The following ZSCAN5A variants were observed in gnomAD, a reference collection of about 807,000 sequenced individuals.
ZSCAN5A encodes zinc finger and SCAN domain containing 5A, also known as zinc finger and SCAN domain-containing protein 5A.
ZSCAN5A carries 12 observed loss-of-function variants against 23.7 expected under a neutral mutation model. That is an observed-to-expected ratio of 0.51 (90% CI 0.32 to 0.82). ZSCAN5A has a LOEUF of 0.82. Among genes scored for constraint, ZSCAN5A ranks in the 40% least tolerant of loss-of-function variants. The pLI is 0.03. For missense variants in ZSCAN5A, 597 were observed against 617.9 expected, an observed-to-expected ratio of 0.97 and a Z score of 0.36; for synonymous variants, 257 against 239.9, an observed-to-expected ratio of 1.07 and a Z score of -0.66.
chr19:56,224,351 C>G (rs1236886910), intron 3 of ZSCAN5A: 1 of 410,776 alleles, frequency 2.4e-6, no homozygotes, highest in African/African-American at 2.0e-5. Flanking sequence ...TGTGTGGGTC[C>G]CTGTACCCCC....
At chr19:56,302,594 CTCCCTCTTCTT>C (rs2040390488) in intron 2 of ZSCAN5A, among the ~76,000 whole-genome samples, 4 of 39,414 alleles carry the variant, frequency 1.0e-4, no homozygotes, top group South Asian at 1.2e-3. Flanking sequence ...TTTTCTTCCT[CTCCCTCTTCTT>C]CCTCTCCCTC....
chr19:56,254,573 G>A (rs1432088353), intron 2 of ZSCAN5A, among the ~76,000 whole-genome samples: 1 of 152,116 alleles, frequency 6.6e-6, no homozygotes, highest in African/African-American at 2.4e-5. Context: ...ATAGGAGTAT[G>A]AGTTCCTGCT....
At position 56,248,007 on chromosome 19, in the gene ZSCAN5A, A is replaced by G. The variant is rs185320896; in HGVS notation, c.-127-22834T>C. On this transcript the variant is annotated intron_variant, in intron 2 of 5. Coordinates refer to ENST00000683990, the MANE Select transcript of ZSCAN5A (RefSeq NM_001322064.3). ...ACCTGGCCTGTTCTTTCAATAAACA[A>G]ACATCTAATTAGTTTTCAGTATTTT... 4.2e-3 allele frequency among the ~76,000 whole-genome samples: 639 copies of G among 152,276 alleles called. 7 individuals carry two copies. Among genetic ancestry groups the G allele is most frequent in the African/African-American group, 0.014 (598 of 41,558 alleles).
Sources: allele counts gnomAD v4.1 joint callset (sites outside exome capture counted in the v4.1 genomes callset), GRCh38; gene constraint gnomAD v4.1.1; transcripts MANE v1.5; gene names NCBI Gene and HGNC (gene_info 2026-07-23, HGNC 2026-07-21).